TNFRSF1B: variants seen among roughly 807,000 people sequenced by gnomAD.
TNFRSF1B encodes the protein tumor necrosis factor receptor superfamily member 1B.
TNFRSF1B carries 19 observed loss-of-function variants against 44.6 expected under a neutral mutation model. The ratio of observed to expected loss-of-function variants is 0.43; its 90% CI spans 0.30 to 0.62. The LOEUF (loss-of-function observed/expected upper bound fraction) is 0.62. TNFRSF1B is among the 20% of genes least tolerant of loss of function. The probability of loss-of-function intolerance (pLI) is 0.16; values close to 1 mark genes in which losing one functional copy is unlikely to be tolerated. For synonymous variants in TNFRSF1B, 252 were observed against 261.1 expected (o/e 0.97, Z 0.34); for missense variants, 541 against 619.9 (o/e 0.87, Z 1.35).
chr1:12,194,876 C>T (rs534394214), intron 8 of TNFRSF1B, among the ~76,000 whole-genome samples: 3 of 152,326 alleles, frequency 2.0e-5, no homozygotes, highest in Admixed American at 6.5e-5. Context: ...GGACCCACAG[C>T]GCAACCTTGG....
Position 12,207,015 on chromosome 1 carries a change from AGTTAACCAG to A in TNFRSF1B, c.1383_*5del. 6.3e-7 allele frequency: 1 copy of A among 1,582,716 alleles called. No homozygotes were observed. The highest frequency in any genetic ancestry group is 8.6e-7 in the Non-Finnish European group (1 of 1,158,712). The stretch of plus-strand genomic sequence containing the variant: ...AGTGCCTGATGCTGGGATGAAGCCC[AGTTAACCAG>A]GCCGGTGTGGGCTGTGTCGTAGCCA... On this transcript the variant is annotated stop_lost and 3_prime_UTR_variant, in exon 10 of 10. Coordinates refer to ENST00000376259, the MANE Select transcript of TNFRSF1B (RefSeq NM_001066.3).
rs1463299455 is a variant in TNFRSF1B, at chr1:12,202,620, G to A, written c.1105+449G>A. On this transcript the variant is annotated intron_variant, in intron 9 of 9. Transcript: ENST00000376259. ...ATCCCTGTATCTGCAGGCCCAACAC[G>A]GCCCAGCTACTGATAATTAATCATA... 3.9e-5 allele frequency among the ~76,000 whole-genome samples: 6 copies of A among 152,294 alleles called. 1 individual carries two copies. The East Asian group carries it at 7.7e-4, about 20-fold the overall frequency.
At chr1:12,183,711 T>TCTAGCTA (rs1553163383) in intron 1 of TNFRSF1B, among the ~76,000 whole-genome samples, 5 of 93,212 alleles carry the variant, frequency 5.4e-5, no homozygotes, top group African/African-American at 1.9e-4. Flanking sequence ...TATCTATCTA[T>TCTAGCTA]TCTATCTACC....
Position 12,192,388 on chromosome 1 carries a change from CAG to C in TNFRSF1B, c.458-40_458-39del, listed in dbSNP as rs749240503. The stretch of plus-strand genomic sequence containing the variant: ...CTAGTGCCAAGGCCCAGCTGTCCCG[CAG>C]AGTGTCTGAGTGGTTGACAAGTTCG... On this transcript the variant is annotated intron_variant, in intron 4 of 9. Coordinates refer to ENST00000376259, the MANE Select transcript of TNFRSF1B (RefSeq NM_001066.3). 4.4e-6 allele frequency: 7 copies of C among 1,600,360 alleles called. No homozygotes were observed. The Admixed American group carries it at 6.7e-5, about 15-fold the overall frequency.
intron 1 of TNFRSF1B, among the ~76,000 whole-genome samples, chr1:12,176,461 A>T (rs192155495): frequency 1.4e-3 from 206 of 152,360 alleles, no homozygotes; most frequent in Non-Finnish European, 2.0e-3. Context: ...CATCAGCCCC[A>T]GGAGGTATGT....
intron 1 of TNFRSF1B, among the ~76,000 whole-genome samples, chr1:12,185,542 G>T (rs914548657): frequency 1.3e-5 from 2 of 152,268 alleles, no homozygotes; most frequent in African/African-American, 4.8e-5. Context: ...CTGGGACCGA[G>T]TGTGTGTGGC....
intron 8 of TNFRSF1B, among the ~76,000 whole-genome samples, 188 bp from the exon 9 acceptor site, chr1:12,201,779 A>G (rs543945548): frequency 1.8e-4 from 27 of 152,346 alleles, no homozygotes; most frequent in African/African-American, 6.3e-4. Context: ...AGAAACACAG[A>G]AACCACGGAG....
At chr1:12,196,643 C>T (rs116578719) in intron 8 of TNFRSF1B, among the ~76,000 whole-genome samples, 1 of 152,378 alleles carries the variant, frequency 6.6e-6, no homozygotes, top group African/African-American at 2.4e-5. Context: ...CTCAAGGTCG[C>T]ACCGCAGTGT....
Position 12,168,605 on chromosome 1 carries a change from A to T in TNFRSF1B, c.78+1436A>T, listed in dbSNP as rs1325068303. On this transcript the variant is annotated intron_variant, in intron 1 of 9. Coordinates refer to ENST00000376259, the MANE Select transcript of TNFRSF1B (RefSeq NM_001066.3). The surrounding 1 kb of genome is among the most constrained non-coding windows in gnomAD (Gnocchi z 4.7). ...ACTCTGGGGTCATGTGAGCCCCTGG[A>T]TGGGAGAGGGGTGTCAGGCACAGGG... 1.3e-5 allele frequency among the ~76,000 whole-genome samples: 2 copies of T among 152,066 alleles called. No individual in the cohort carries two copies. The highest frequency in any genetic ancestry group is 4.8e-5 in the African/African-American group (2 of 41,404).
Position 12,207,314 on chromosome 1 carries a change from C to T in TNFRSF1B, c.*294C>T, listed in dbSNP as rs1244051735. The T allele has an allele frequency of 1.6e-5, 6 of 364,150 alleles. No individual in the cohort carries two copies. Among genetic ancestry groups the T allele is most frequent in the Non-Finnish European group, 2.9e-5 (6 of 204,302 alleles). The allele number at this position is 364,150 out of a possible 1,614,324, so 22.6% of individuals were successfully genotyped here. ...AGTCCCTGACTCTCTGTGACCTGCC[C>T]CGCCCAGCTGCACCTGCCAGCCTGG... On this transcript the variant is annotated 3_prime_UTR_variant, in exon 10 of 10. Coordinates refer to ENST00000376259, the MANE Select transcript of TNFRSF1B (RefSeq NM_001066.3).
chr1:12,192,095 T>C (rs1639150240), intron 4 of TNFRSF1B, among the ~76,000 whole-genome samples, 172 bp downstream of exon 4: 1 of 152,216 alleles, frequency 6.6e-6, no homozygotes, highest in South Asian at 2.1e-4. Context: ...TCATTCTTCC[T>C]GCCAGCACTC....
At chr1:12,179,936 A>G (rs1638752607) in intron 1 of TNFRSF1B, among the ~76,000 whole-genome samples, 1 of 152,142 alleles carries the variant, frequency 6.6e-6, no homozygotes, top group South Asian at 2.1e-4. Flanking sequence ...GGATCTGAAC[A>G]GTCTCTGTTC....
intron 6 of TNFRSF1B, among the ~76,000 whole-genome samples, chr1:12,193,572 AAAAAC>A (rs1349833534): frequency 2.0e-5 from 3 of 152,180 alleles, no homozygotes; most frequent in African/African-American, 4.8e-5. Flanking sequence ...GTCCTATCTC[AAAAAC>A]AAAACAAAAC....
Position 12,207,122 on chromosome 1 carries a change from C to A in TNFRSF1B, c.*102C>A. The A allele has an allele frequency of 7.6e-7, 1 of 1,311,214 alleles. No individual in the cohort carries two copies. Among genetic ancestry groups the A allele is most frequent in the Non-Finnish European group, 1.0e-6 (1 of 984,588 alleles). 81.2% of individuals were successfully genotyped at this position (1,311,214 alleles called of 1,614,324 possible). A position where few individuals can be genotyped will look rare whatever the true frequency, so the allele number is the denominator to read the frequency against. On this transcript the variant is annotated 3_prime_UTR_variant, in exon 10 of 10. Coordinates refer to ENST00000376259, the MANE Select transcript of TNFRSF1B (RefSeq NM_001066.3). ...CTTCCAGGCCCCCACCACTAGGACT[C>A]TGAGGCTCTTTCTGGGCCAAGTTCC...
rs1379065723 is a variant in TNFRSF1B, at chr1:12,167,031, C to A, written c.-61C>A. 6.1e-6 allele frequency: 7 copies of A among 1,154,942 alleles called. No individual in the cohort carries two copies. The highest frequency in any genetic ancestry group is 7.7e-6 in the Non-Finnish European group (7 of 906,662). 71.5% of individuals were successfully genotyped at this position (1,154,942 alleles called of 1,614,324 possible). On this transcript the variant is annotated 5_prime_UTR_variant, in exon 1 of 10. Coordinates refer to ENST00000376259, the MANE Select transcript of TNFRSF1B (RefSeq NM_001066.3). ...AGCGCAGCGGAGCCTGGAGAGAAGG[C>A]GCTGGGCTGCGAGGGCGCGAGGGCG...
chr1:12,193,179 T>G, intron 6 of TNFRSF1B, 81 bp downstream of exon 6: 1 of 1,318,556 alleles, frequency 7.6e-7, no homozygotes, highest in Non-Finnish European at 1.1e-6. Flanking sequence ...CCCATGGTTT[T>G]ACTGAGAGCC....
At chr1:12,183,699 T>G (rs680537) in intron 1 of TNFRSF1B, among the ~76,000 whole-genome samples, 1,274 of 102,264 alleles carry the variant, frequency 0.012, 33 homozygotes, top group African/African-American at 0.024. Flanking sequence ...TATCTATCTA[T>G]CTATCTATCT....
rs1385963208 is a variant in TNFRSF1B at position 12,180,781 on chromosome 1, C to T, written c.79-8015C>T. ...AGCGGGGTCTTTTCTTCCTGGAGCT[C>T]GGCCCTCGGCAGCTCTCAGAAGCTC... is the stretch of plus-strand genomic sequence containing the variant. On this transcript the variant is annotated intron_variant, in intron 1 of 9. Coordinates refer to ENST00000376259, the MANE Select transcript of TNFRSF1B (RefSeq NM_001066.3). This position sits in a 1 kb window ranked among gnomAD's most constrained non-coding sequence, Gnocchi z 4.3. 3.3e-5 allele frequency among the ~76,000 whole-genome samples: 5 copies of T among 152,176 alleles called. No homozygotes were observed. Among genetic ancestry groups the T allele is most frequent in the African/African-American group, 1.2e-4 (5 of 41,442 alleles).
At chr1:12,204,391 C>G (rs1226015572) in intron 9 of TNFRSF1B, among the ~76,000 whole-genome samples, 4 of 152,200 alleles carry the variant, frequency 2.6e-5, no homozygotes, top group Non-Finnish European at 5.9e-5. Context: ...CCCTCCTCCC[C>G]CACCACATGC....
Sources: gnomAD v4.1 joint callset for allele counts (sites outside exome capture counted in the v4.1 genomes callset) on GRCh38, gnomAD v4.1.1 for gene constraint, Gnocchi (gnomAD v3.1) non-coding constraint, MANE v1.5 for transcripts, NCBI Gene and HGNC (gene_info 2026-07-23, HGNC 2026-07-21) for gene names.